Variants in RTKN2 observed in about 807,000 individuals in gnomAD.
The protein encoded by RTKN2 is rhotekin 2.
A neutral mutation model predicts 71.5 loss-of-function variants in RTKN2; 69 were observed. That is an observed-to-expected ratio of 0.96 (90% CI 0.79 to 1.18). The LOEUF (loss-of-function observed/expected upper bound fraction) is 1.18, where lower values mean the gene tolerates loss of function less well. RTKN2 is among the 50% of genes most tolerant of loss of function. The pLI, the probability that RTKN2 is intolerant of heterozygous loss-of-function variation, is 0.00. For missense variants in RTKN2, 724 were observed against 719.7 expected (o/e 1.01, Z -0.07); for synonymous variants, 236 against 236.5 (o/e 1.00, Z 0.02).
At chr10:62,186,854 G>A (rs1457681969) in intron 8 of RTKN2, among the ~76,000 whole-genome samples, 2 of 152,102 alleles carry the variant, frequency 1.3e-5, no homozygotes, top group African/African-American at 2.4e-5. Context: ...ATATGATGAG[G>A]ACTAGCAATA....
Position 62,193,702 on chromosome 10 carries a change from T to A in RTKN2, c.*4206A>T. The A allele has an allele frequency of 1.0e-6, 1 of 985,186 alleles. No homozygotes were observed. Among genetic ancestry groups the A allele is most frequent in the African/African-American group, 1.7e-5 (1 of 57,378 alleles). The allele number at this position is 985,186 out of a possible 1,614,324, so 61.0% of individuals were successfully genotyped here. On this transcript the variant is annotated 3_prime_UTR_variant, in exon 12 of 12. Transcript: ENST00000373789. ...GAGACTCCTTGTGGCTAGTAGCGAC[T>A]GAATATCCTACGTACCTAATTTACT...
chr10:62,254,129 GA>G (rs1204813766), intron 2 of RTKN2, among the ~76,000 whole-genome samples: 1 of 152,156 alleles, frequency 6.6e-6, no homozygotes, highest in Non-Finnish European at 1.5e-5. Context: ...AAGACCATAA[GA>G]AAAAGTTCAT....
intron 8 of RTKN2, among the ~76,000 whole-genome samples, chr10:62,185,796 G>A (rs1481761804): frequency 6.6e-6 from 1 of 152,146 alleles, no homozygotes; most frequent in Admixed American, 6.5e-5. Context: ...ACCCCAATTT[G>A]GGGAGTCTCC....
Position 62,251,343 on chromosome 10 carries a change from C to A in RTKN2, c.258-5286G>T, listed in dbSNP as rs567185854. Among the ~76,000 whole-genome samples the A allele has an allele frequency of 2.0e-5, 3 of 152,236 alleles. No homozygotes were observed. The East Asian group carries it at 5.8e-4, about 29-fold the overall frequency. ...TACTGTGCCTAATTTACAAATTAAA[C>A]TTTATCATAGGGGTGTATGTATAGG... On this transcript the variant is annotated intron_variant, in intron 2 of 11. Coordinates refer to ENST00000373789, the MANE Select transcript of RTKN2 (RefSeq NM_145307.4).
chr10:62,234,295 C>T (rs537633646), intron 6 of RTKN2, among the ~76,000 whole-genome samples: 94 of 152,032 alleles, frequency 6.2e-4, no homozygotes, highest in Middle Eastern at 3.4e-3. Flanking sequence ...GAAGCTGAGG[C>T]AAGCGGATTG....
intron 2 of RTKN2, among the ~76,000 whole-genome samples, chr10:62,253,901 T>C (rs188419905): frequency 3.3e-5 from 5 of 152,260 alleles, no homozygotes; most frequent in East Asian, 3.9e-4. Context: ...CTCCACTGTA[T>C]AGTTCTATTT....
At chr10:62,262,560 T>C in intron 2 of RTKN2, 65 bp downstream of exon 2, 2 of 1,126,470 alleles carry the variant, frequency 1.8e-6, no homozygotes, top group Non-Finnish European at 2.6e-6. Flanking sequence ...AAGCTTAAAT[T>C]ATACTGTGTT....
At chr10:62,265,425 G>A (rs1268543932) in intron 1 of RTKN2, among the ~76,000 whole-genome samples, 1 of 152,134 alleles carries the variant, frequency 6.6e-6, no homozygotes, top group African/African-American at 2.4e-5. Context: ...CCATAATCCA[G>A]CCAAATTAAC....
chr10:62,240,509 C>A (rs970277105), intron 4 of RTKN2, among the ~76,000 whole-genome samples: 6 of 152,036 alleles, frequency 3.9e-5, no homozygotes, highest in African/African-American at 1.4e-4. Context: ...ATTTTAAATT[C>A]TTCATATAAA....
In RTKN2 at chr10:62,218,389, C is replaced by A. The variant is rs1841826657; in HGVS notation, c.782-88G>T. On this transcript the variant is annotated intron_variant, in intron 7 of 11. Transcript: ENST00000373789. ...ATACATTTTGATTTTTCTCTTTTTA[C>A]AATTTTGTTTTGCTTTGTACAGAAC... The A allele has an allele frequency of 7.6e-6, 7 of 923,442 alleles. No individual in the cohort carries two copies. The Admixed American group carries it at 9.6e-5, about 13-fold the overall frequency. The allele number at this position is 923,442 out of a possible 1,614,324, so 57.2% of individuals were successfully genotyped here.
rs1841266514 is a variant in RTKN2, at chr10:62,193,634, G to A, written c.*4274C>T. 3 of 985,146 alleles carry A rather than the reference G, an allele frequency of 3.0e-6. No homozygotes were observed. Among genetic ancestry groups the A allele is most frequent in the Admixed American group, 6.2e-5 (1 of 16,256 alleles). The allele number at this position is 985,146 out of a possible 1,614,324, so 61.0% of individuals were successfully genotyped here. On this transcript the variant is annotated 3_prime_UTR_variant, in exon 12 of 12. Coordinates refer to ENST00000373789, the MANE Select transcript of RTKN2 (RefSeq NM_145307.4). ...TCATTTCTCTCCCCCACTCTGAGGC[G>A]CTCTGCAGGAATAAAGTACTGAGGG...
Position 62,217,252 on chromosome 10 carries a change from GAAAAAAAA to G in RTKN2, c.889-11_889-4del. The stretch of plus-strand genomic sequence containing the variant: ...CTAATCAGACCTTCTACCATTTGCT[GAAAAAAAA>G]AAAAAAAAAATCAAGAGACTATCAA... On this transcript the variant is annotated splice_region_variant and splice_polypyrimidine_tract_variant and intron_variant, in intron 8 of 11. Coordinates refer to ENST00000373789, the MANE Select transcript of RTKN2 (RefSeq NM_145307.4). 25 of 1,286,658 alleles carry G rather than the reference GAAAAAAAA, an allele frequency of 1.9e-5. No homozygotes were observed. Among genetic ancestry groups the G allele is most frequent in the South Asian group, 3.3e-5 (2 of 60,432 alleles). 79.7% of individuals were successfully genotyped at this position (1,286,658 alleles called of 1,614,324 possible).
chr10:62,208,221 G>A (rs866494950), intron 9 of RTKN2, among the ~76,000 whole-genome samples: 3 of 151,758 alleles, frequency 2.0e-5, no homozygotes, highest in East Asian at 1.9e-4. Context: ...TTCCATATAC[G>A]TGGAAAATTA....
In RTKN2 at chr10:62,199,882, G is replaced by A. The variant is rs766823606; in HGVS notation, c.1187-21C>T. On this transcript the variant is annotated intron_variant, in intron 10 of 11. Transcript: ENST00000373789. ...TTGGCCTAAGACAGACAGAAAAAAG[G>A]TAGACTAGTTTAAAACATAAATGTG... 7 of 1,437,886 alleles carry A rather than the reference G, an allele frequency of 4.9e-6. No homozygotes were observed. In the Admixed American group the frequency reaches 5.3e-5, roughly 11 times the overall value. The allele number at this position is 1,437,886 out of a possible 1,614,324, so 89.1% of individuals were successfully genotyped here.
chr10:62,196,852 A>G lies in RTKN2; in HGVS notation c.*1056T>C, dbSNP rs1043059746. ...CCTTTAAGGTATTTTTCTGCTATTT[A>G]TTCCTCACTTGACTTTATAATCCTG... On this transcript the variant is annotated 3_prime_UTR_variant, in exon 12 of 12. Transcript: ENST00000373789. 5 of 980,502 alleles carry G rather than the reference A, an allele frequency of 5.1e-6. No homozygotes were observed. In the African/African-American group the frequency reaches 8.8e-5, roughly 17 times the overall value. The allele number at this position is 980,502 out of a possible 1,614,324, so 60.7% of individuals were successfully genotyped here. A position where few individuals can be genotyped will look rare whatever the true frequency, so the allele number is the denominator to read the frequency against.
intron 7 of RTKN2, among the ~76,000 whole-genome samples, chr10:62,221,253 T>C (rs1408868156): frequency 6.6e-6 from 1 of 152,048 alleles, no homozygotes; most frequent in Non-Finnish European, 1.5e-5. Flanking sequence ...TTAAGTTTAG[T>C]TTTTAATAAG....
intron 5 of RTKN2, among the ~76,000 whole-genome samples, 182 bp from the exon 6 acceptor site, chr10:62,236,445 T>A (rs1249659956): frequency 6.6e-6 from 1 of 151,970 alleles, no homozygotes; most frequent in Non-Finnish European, 1.5e-5. Flanking sequence ...AGGCATGAGA[T>A]AAATTGTTGA....
At chr10:62,204,756 A>T in intron 10 of RTKN2, 101 bp downstream of exon 10, 2 of 831,612 alleles carry the variant, frequency 2.4e-6, no homozygotes, top group South Asian at 2.3e-5. Context: ...GAACATAAAA[A>T]ATTTTTGCTA....
At chr10:62,232,135 A>G (rs907335344) in intron 6 of RTKN2, among the ~76,000 whole-genome samples, 2 of 152,212 alleles carry the variant, frequency 1.3e-5, no homozygotes, top group African/African-American at 4.8e-5. Context: ...ATGTTTATAA[A>G]GAAAATTCGT....
Sources: allele counts gnomAD v4.1 joint callset (sites outside exome capture counted in the v4.1 genomes callset), GRCh38; gene constraint gnomAD v4.1.1; transcripts MANE v1.5; gene names NCBI Gene and HGNC (gene_info 2026-07-23, HGNC 2026-07-21).